EPHA7: variants seen among roughly 807,000 people sequenced by gnomAD.
EPHA7 encodes ephrin type-A receptor 7.
EPHA7 carries 25 observed loss-of-function variants against 112.6 expected under a neutral mutation model. The observed-to-expected ratio is 0.22, with a 90% CI of 0.16 to 0.31. The LOEUF (loss-of-function observed/expected upper bound fraction) is 0.31, where lower values mean the gene tolerates loss of function less well. EPHA7 is among the 10% of genes least tolerant of loss of function. EPHA7 has a pLI of 1.00. For synonymous variants in EPHA7, 437 were observed against 406.5 expected (o/e 1.07, Z -0.90); for missense variants, 962 against 1,212.6 (o/e 0.79, Z 3.07).
intron 5 of EPHA7, among the ~76,000 whole-genome samples, chr6:93,287,637 A>G (rs1772137253): frequency 6.6e-6 from 1 of 151,560 alleles, no homozygotes; most frequent in Non-Finnish European, 1.5e-5. Context: ...TCACCAAGAT[A>G]TTAAGCCTAG....
At chr6:93,337,194 A>G (rs946039507) in intron 5 of EPHA7, among the ~76,000 whole-genome samples, 1 of 152,178 alleles carries the variant, frequency 6.6e-6, no homozygotes, top group Non-Finnish European at 1.5e-5. Context: ...AACACTGAAG[A>G]AAGATCCACA....
intron 4 of EPHA7, among the ~76,000 whole-genome samples, chr6:93,357,389 A>C (rs1268242106): frequency 2.0e-5 from 3 of 152,198 alleles, no homozygotes; most frequent in African/African-American, 7.2e-5. Flanking sequence ...GCACCTAAAA[A>C]AAACAGCTGT....
At chr6:93,376,169 G>T (rs1777050419) in intron 3 of EPHA7, among the ~76,000 whole-genome samples, 1 of 151,850 alleles carries the variant, frequency 6.6e-6, no homozygotes. Flanking sequence ...TTTGAGACAG[G>T]ATCTCACTCT....
rs771447860 is a variant in EPHA7, at chr6:93,242,146, TAATA to T, written c.*1276_*1279del. The T allele has an allele frequency of 7.2e-5, 14 of 195,034 alleles. No homozygotes were observed. The highest frequency in any genetic ancestry group is 1.8e-3 in the Middle Eastern group (1 of 558). The allele number at this position is 195,034 out of a possible 1,614,324, so 12.1% of individuals were successfully genotyped here. ...AACACAGTAATCAAATAATATGGTT[TAATA>T]AATAAAGCTTTAAAAACAAGCCAGA... On this transcript the variant is annotated 3_prime_UTR_variant, in exon 17 of 17. Coordinates refer to ENST00000369303, the MANE Select transcript of EPHA7 (RefSeq NM_004440.4).
intron 5 of EPHA7, among the ~76,000 whole-genome samples, chr6:93,326,759 C>T (rs1048643056): frequency 7.9e-5 from 12 of 151,330 alleles, no homozygotes; most frequent in African/African-American, 1.9e-4. Context: ...ACACATCCAG[C>T]GGTGAGCAGA....
chr6:93,308,079 A>G (rs967962017), intron 5 of EPHA7, among the ~76,000 whole-genome samples: 1 of 152,118 alleles, frequency 6.6e-6, no homozygotes, highest in Non-Finnish European at 1.5e-5. Flanking sequence ...AGCTAACAAT[A>G]ATCAGTCACC....
Position 93,356,306 on chromosome 6 carries a change from C to G in EPHA7, c.1324+411G>C, listed in dbSNP as rs557899446. 1.2e-3 allele frequency among the ~76,000 whole-genome samples: 176 copies of G among 152,014 alleles called. 1 individual carries two copies. Among genetic ancestry groups the G allele is most frequent in the Middle Eastern group, 0.01 (3 of 294 alleles). The stretch of plus-strand genomic sequence containing the variant: ...CACTGCAACTTCTGCCTCCCAGGTT[C>G]AAGTGATTCTCCTGCCTCAGCCTCT... On this transcript the variant is annotated intron_variant, in intron 5 of 16. Transcript: ENST00000369303.
intron 3 of EPHA7, among the ~76,000 whole-genome samples, chr6:93,385,558 C>G (rs949921246): frequency 6.6e-6 from 1 of 151,862 alleles, no homozygotes; most frequent in Non-Finnish European, 1.5e-5. Context: ...TTTTATTTAA[C>G]AACAACCAAA....
intron 5 of EPHA7, among the ~76,000 whole-genome samples, chr6:93,329,871 C>A (rs733489): frequency 0.18 from 26,582 of 150,888 alleles, 2,747 homozygotes; most frequent in East Asian, 0.34. Context: ...AAAACAAAAA[C>A]AACAAAGACT....
chr6:93,305,867 A>T (rs1773230821), intron 5 of EPHA7, among the ~76,000 whole-genome samples: 1 of 151,988 alleles, frequency 6.6e-6, no homozygotes, highest in South Asian at 2.1e-4. Context: ...TCACACAGAT[A>T]TAATAGTATT....
intron 14 of EPHA7, among the ~76,000 whole-genome samples, chr6:93,253,321 T>C (rs150594994): frequency 2.0e-5 from 3 of 152,220 alleles, no homozygotes; most frequent in African/African-American, 2.4e-5. Flanking sequence ...AAGTTTTATG[T>C]CATCATCCAA....
At chr6:93,345,657 AAC>A in intron 5 of EPHA7, among the ~76,000 whole-genome samples, 1 of 151,750 alleles carries the variant, frequency 6.6e-6, no homozygotes, top group East Asian at 1.9e-4. Flanking sequence ...AAGTCATAAA[AAC>A]AGTTAAAATT....
At chr6:93,394,927 C>T (rs1327054100) in intron 3 of EPHA7, among the ~76,000 whole-genome samples, 1 of 151,626 alleles carries the variant, frequency 6.6e-6, no homozygotes, top group Non-Finnish European at 1.5e-5. Flanking sequence ...TTCATTTCTG[C>T]TAATATTAAT....
chr6:93,290,610 TCTCC>T (rs1772309381), intron 5 of EPHA7, among the ~76,000 whole-genome samples: 1 of 152,178 alleles, frequency 6.6e-6, no homozygotes. Context: ...TTCCTCTCTC[TCTCC>T]TTTAATTTTA....
intron 1 of EPHA7, among the ~76,000 whole-genome samples, chr6:93,416,316 T>C (rs1779222993): frequency 6.6e-6 from 1 of 152,236 alleles, no homozygotes; most frequent in Non-Finnish European, 1.5e-5. Flanking sequence ...CTTTTTGAGA[T>C]GCTTTCTTAA....
chr6:93,323,493 A>G (rs1774175936), intron 5 of EPHA7, among the ~76,000 whole-genome samples: 2 of 151,648 alleles, frequency 1.3e-5, no homozygotes, highest in South Asian at 4.1e-4. Flanking sequence ...TTTATTGTAC[A>G]CGTACAAATA....
Position 93,255,955 on chromosome 6 carries a change from A to C in EPHA7, c.2255T>G (p.Met752Arg). The C allele has an allele frequency of 6.2e-7, 1 of 1,614,094 alleles. No homozygotes were observed. Among genetic ancestry groups the C allele is most frequent in the Non-Finnish European group, 8.5e-7 (1 of 1,179,994 alleles). Reference protein sequence around the residue: ...IAAGMRYLADMGYVHRDLAAR... With the variant: ...IAAGMRYLADRGYVHRDLAAR... ...TGCAAGGTCCCTGTGAACATATCCCATATCAGCCAAATATCTCATTCCAGC... is the reference window on the plus strand; with the variant it reads ...TGCAAGGTCCCTGTGAACATATCCCCTATCAGCCAAATATCTCATTCCAGC... Residue 752 changes from methionine (M) to arginine (R), a missense_variant, in exon 13 of 17, where the codon ATG becomes AGG. Coordinates refer to ENST00000369303, the MANE Select transcript of EPHA7 (RefSeq NM_004440.4).
chr6:93,396,247 A>C (rs963209451), intron 3 of EPHA7, among the ~76,000 whole-genome samples: 3 of 151,938 alleles, frequency 2.0e-5, no homozygotes. Context: ...TAATGTGTAA[A>C]CAATAATTAT....
intron 5 of EPHA7, among the ~76,000 whole-genome samples, chr6:93,330,382 C>A (rs1774532567): frequency 6.6e-6 from 1 of 151,240 alleles, no homozygotes; most frequent in South Asian, 2.1e-4. Context: ...TTATAGAACA[C>A]CATAGCTTAT....
Sources: allele counts gnomAD v4.1 joint callset (sites outside exome capture counted in the v4.1 genomes callset), GRCh38; gene constraint gnomAD v4.1.1; transcripts MANE v1.5; gene names NCBI Gene and HGNC (gene_info 2026-07-23, HGNC 2026-07-21).